The following TENM2 variants were observed in gnomAD, a reference collection of about 807,000 sequenced individuals.
TENM2 encodes the protein teneurin-2.
Under a neutral mutation model 245.2 loss-of-function variants are expected in TENM2, and 52 were observed. The ratio of observed to expected loss-of-function variants is 0.21; its 90% CI spans 0.17 to 0.27. TENM2 has a LOEUF of 0.27. TENM2 is among the 10% of genes least tolerant of loss of function. TENM2 has a pLI of 1.00. For missense variants in TENM2, 3,046 were observed against 3,666.8 expected, an observed-to-expected ratio of 0.83 and a Z score of 4.37; for synonymous variants, 1,363 against 1,438.9, an observed-to-expected ratio of 0.95 and a Z score of 1.19.
intron 2 of TENM2, among the ~76,000 whole-genome samples, chr5:167,872,137 A>G (rs1238495809): frequency 3.3e-5 from 5 of 152,032 alleles, no homozygotes; most frequent in African/African-American, 9.6e-5. Context: ...TACAAAAAAT[A>G]CAAAAATTAA....
chr5:167,438,548 C>G (rs150548265), intron 2 of TENM2, among the ~76,000 whole-genome samples: 2 of 151,946 alleles, frequency 1.3e-5, no homozygotes, highest in African/African-American at 4.8e-5. Flanking sequence ...ACTGCCACCA[C>G]GCCTGGCTAA....
the TENM2 span, among the ~76,000 whole-genome samples, chr5:167,089,351 A>G: frequency 6.6e-6 from 1 of 152,128 alleles, no homozygotes; most frequent in Non-Finnish European, 1.5e-5. Context: ...ACATTTTAAC[A>G]TGCTGTACTA....
intron 3 of TENM2, chr5:167,934,965 A>G (rs544472592): frequency 1.0e-6 from 1 of 958,714 alleles, no homozygotes; most frequent in South Asian, 4.8e-5. Context: ...GACTGGAAGC[A>G]AAGAAAGGGG....
chr5:167,483,454 G>A (rs1283394801), intron 2 of TENM2, among the ~76,000 whole-genome samples: 6 of 151,974 alleles, frequency 3.9e-5, no homozygotes, highest in Admixed American at 3.3e-4. Flanking sequence ...ACATAAAAGA[G>A]CAAAAAAAGA....
At chr5:167,372,466 AC>A in intron 1 of TENM2, among the ~76,000 whole-genome samples, 1 of 152,254 alleles carries the variant, frequency 6.6e-6, no homozygotes, top group Non-Finnish European at 1.5e-5. Context: ...CAGGCCAAAA[AC>A]CACATGCAGT....
the TENM2 span, among the ~76,000 whole-genome samples, chr5:167,239,980 G>A: frequency 1.3e-5 from 2 of 152,164 alleles, no homozygotes; most frequent in South Asian, 4.1e-4. Flanking sequence ...TTCCATGTTG[G>A]TCAGGCTGGT....
intron 2 of TENM2, among the ~76,000 whole-genome samples, chr5:167,875,305 G>A (rs1773326857): frequency 6.6e-6 from 1 of 151,786 alleles, no homozygotes; most frequent in Non-Finnish European, 1.5e-5. Context: ...GGGACAGGAA[G>A]TGTGAAGACT....
At chr5:167,356,260 G>T (rs1329984073) in intron 1 of TENM2, among the ~76,000 whole-genome samples, 6 of 149,406 alleles carry the variant, frequency 4.0e-5, no homozygotes, top group Non-Finnish European at 8.9e-5. Flanking sequence ...CAAGAGGGTT[G>T]CATCTCTATT....
At chr5:167,733,912 A>G (rs1019965901) in intron 2 of TENM2, among the ~76,000 whole-genome samples, 1 of 152,122 alleles carries the variant, frequency 6.6e-6, no homozygotes, top group African/African-American at 2.4e-5. Flanking sequence ...TTCTCTCCAC[A>G]TTGCGTATGA....
At chr5:167,080,409 T>C in the TENM2 span, among the ~76,000 whole-genome samples, 2 of 152,184 alleles carry the variant, frequency 1.3e-5, no homozygotes, top group Non-Finnish European at 2.9e-5. Flanking sequence ...TAACATTTTT[T>C]GCTAAGAGAA....
Position 168,035,485 on chromosome 5 carries a change from A to T in TENM2, c.1187-11942A>T, listed in dbSNP as rs367756154. On this transcript the variant is annotated intron_variant, in intron 5 of 28. Transcript: ENST00000518659. ...GCAATACAGCCTGGGCGACAGAGGG[A>T]GACCCTGTCTCAAAAAAAAAAAAAA... 4.3e-4 allele frequency among the ~76,000 whole-genome samples: 63 copies of T among 147,870 alleles called. No individual in the cohort carries two copies. The East Asian group carries it at 0.011, about 26-fold the overall frequency.
intron 2 of TENM2, among the ~76,000 whole-genome samples, chr5:167,515,680 T>TACACATATATACGTATATA (rs1283561249): frequency 2.7e-4 from 15 of 55,816 alleles, no homozygotes; most frequent in Middle Eastern, 0.011. Flanking sequence ...TGTATATATA[T>TACACATATATACGTATATA]TTTGAGAGGG....
chr5:168,084,265 T>C (rs1792255659), intron 7 of TENM2, among the ~76,000 whole-genome samples: 1 of 152,206 alleles, frequency 6.6e-6, no homozygotes, highest in Non-Finnish European at 1.5e-5. Flanking sequence ...TTCTTTTGGA[T>C]ATATATCCAG....
chr5:166,982,750 A>G, the TENM2 span, among the ~76,000 whole-genome samples: 2 of 151,274 alleles, frequency 1.3e-5, no homozygotes, highest in South Asian at 4.2e-4. Flanking sequence ...CAGATTCCCA[A>G]CCTTCAGGGA....
At chr5:167,678,806 A>G (rs1000597767) in intron 2 of TENM2, among the ~76,000 whole-genome samples, 1 of 152,104 alleles carries the variant, frequency 6.6e-6, no homozygotes, top group African/African-American at 2.4e-5. Flanking sequence ...TATTTTCTCT[A>G]CCTATCTAGC....
At chr5:167,551,285 G>C (rs958184561) in intron 2 of TENM2, among the ~76,000 whole-genome samples, 2 of 152,110 alleles carry the variant, frequency 1.3e-5, no homozygotes, top group African/African-American at 2.4e-5. Flanking sequence ...ATGAAGCGGT[G>C]AACAAGAAAT....
At chr5:167,176,461 C>T in the TENM2 span, among the ~76,000 whole-genome samples, 4 of 152,178 alleles carry the variant, frequency 2.6e-5, no homozygotes, top group Non-Finnish European at 5.9e-5. Flanking sequence ...GAAATAGATA[C>T]TCAAATGCAT....
At chr5:167,929,077 G>GAAAGAAAGA (rs1561945723) in intron 3 of TENM2, among the ~76,000 whole-genome samples, 4 of 56,792 alleles carry the variant, frequency 7.0e-5, no homozygotes, top group Non-Finnish European at 6.6e-5. Context: ...AAGAAAGAAA[G>GAAAGAAAGA]AAAGAAAGAA....
chr5:167,596,669 G>A (rs1776234834), intron 2 of TENM2, among the ~76,000 whole-genome samples: 1 of 151,712 alleles, frequency 6.6e-6, no homozygotes, highest in South Asian at 2.1e-4. Flanking sequence ...GGTGGCAGGC[G>A]CCTGTAGTCC....
Sources: allele counts gnomAD v4.1 joint callset (sites outside exome capture counted in the v4.1 genomes callset), GRCh38; gene constraint gnomAD v4.1.1; transcripts MANE v1.5; gene names NCBI Gene and HGNC (gene_info 2026-07-23, HGNC 2026-07-21).